The following PIK3C2A variants were observed in gnomAD, a reference collection of about 807,000 sequenced individuals.
PIK3C2A encodes the protein phosphatidylinositol 4-phosphate 3-kinase C2 domain-containing subunit alpha.
Under a neutral mutation model 204.5 loss-of-function variants are expected in PIK3C2A, and 97 were observed. The observed-to-expected ratio is 0.47, with a 90% CI of 0.40 to 0.56. The LOEUF is 0.56. Ranked by LOEUF, PIK3C2A falls within the 20% of genes least tolerant of loss-of-function variation. The pLI is 0.00. For synonymous variants in PIK3C2A, 653 were observed against 664.4 expected (o/e 0.98, Z 0.26); for missense variants, 1,735 against 1,969.2 (o/e 0.88, Z 2.25).
intron 1 of PIK3C2A, among the ~76,000 whole-genome samples, chr11:17,170,638 C>G (rs186766515): frequency 1.6e-4 from 24 of 152,202 alleles, no homozygotes; most frequent in African/African-American, 5.5e-4. Context: ...AAAATTTATA[C>G]TCCTCTATTT....
chr11:17,122,707 G>GCA lies in PIK3C2A; in HGVS notation c.2504_2505dup (p.Leu836CysfsTer30). ...ATGTCAAGAAGTACCATTACCTGTA[G>GCA]CACTATTCTTTCCATGACATATCCT... On this transcript the variant is annotated frameshift_variant, in exon 14 of 33. Transcript: ENST00000691414. LOFTEE classifies it high-confidence loss of function. The GCA allele has an allele frequency of 7.6e-7, 1 of 1,313,978 alleles. No individual in the cohort carries two copies. The highest frequency in any genetic ancestry group is 1.1e-6 in the Non-Finnish European group (1 of 911,556). 81.4% of individuals were successfully genotyped at this position (1,313,978 alleles called of 1,614,324 possible). A position where few individuals can be genotyped will look rare whatever the true frequency, so the allele number is the denominator to read the frequency against.
intron 1 of PIK3C2A, among the ~76,000 whole-genome samples, chr11:17,195,742 C>T (rs11024187): frequency 0.23 from 31,925 of 139,566 alleles, 5,733 homozygotes; most frequent in African/African-American, 0.5. Context: ...GACTCTATTG[C>T]AAAAAAAAAA....
At chr11:17,107,652 T>C (rs1565245332) in intron 22 of PIK3C2A, among the ~76,000 whole-genome samples, 2 of 152,246 alleles carry the variant, frequency 1.3e-5, no homozygotes, top group African/African-American at 4.8e-5. Flanking sequence ...GCAAATATTA[T>C]TTATACAATT....
rs1449237804 is a variant in PIK3C2A, at chr11:17,091,396, T to C, written c.4816A>G (p.Lys1606Glu). The C allele has an allele frequency of 1.4e-5, 22 of 1,613,930 alleles. No homozygotes were observed. Among genetic ancestry groups the C allele is most frequent in the Non-Finnish European group, 1.9e-5 (22 of 1,179,798 alleles). The change falls in exon 32 of 33, where the codon AAA becomes GAA. Residue 1606 changes from lysine to glutamate, a missense_variant. Physicochemically the swap from Lys to Glu is moderately conservative, Grantham distance 56. Transcript: ENST00000691414. ...ATTTTGGTTTTACGTTTGGATGTTTTGTGGTTATCTGGAAGTAGGTATGTT... is the reference window on the plus strand; with the variant it reads ...ATTTTGGTTTTACGTTTGGATGTTTCGTGGTTATCTGGAAGTAGGTATGTT... ...VKTYLLPDNHKTSKRKTKISR... is the reference protein window; with the variant it reads ...VKTYLLPDNHETSKRKTKISR...
intron 25 of PIK3C2A, among the ~76,000 whole-genome samples, chr11:17,100,475 G>C (rs985581017): frequency 5.3e-5 from 8 of 152,036 alleles, no homozygotes; most frequent in Non-Finnish European, 1.2e-4. Context: ...GCCTGCCTTA[G>C]CCTCCCAAAG....
rs769153396 is a variant in PIK3C2A at position 17,119,303 on chromosome 11, G to T, written c.2857C>A (p.Gln953Lys). ...LELLDSKFAD[Q>K]EVRSLAVTWI... The stretch of plus-strand genomic sequence containing the variant: ...GTCACAGCTAGGGATCTTACTTCCT[G>T]ATCAGCAAATCTAGAAGATTACCAT... Residue 953 changes from glutamine to lysine, a missense_variant, in exon 17 of 33, where the codon CAG becomes AAG. By Grantham distance (53) the Gln-to-Lys change is moderately conservative. Around this residue, in one of 6 missense-constraint regions of PIK3C2A, gnomAD observed 567 missense variants for 576.0 expected, o/e 0.98. Coordinates refer to ENST00000691414, the MANE Select transcript of PIK3C2A (RefSeq NM_002645.4). 6.3e-7 allele frequency: 1 copy of T among 1,589,712 alleles called. No individual in the cohort carries two copies. Among genetic ancestry groups the T allele is most frequent in the South Asian group, 1.1e-5 (1 of 89,892 alleles).
rs76108711 is a variant in PIK3C2A at position 17,135,959 on chromosome 11, C to T, written c.1848+523G>A. On this transcript the variant is annotated intron_variant, in intron 9 of 32. Transcript: ENST00000691414. ...CTCTATGAAGCAAGTTAATTAAATCCCCTGGAAATGTCATGACGGACAGCT... is the reference window on the plus strand; with the variant it reads ...CTCTATGAAGCAAGTTAATTAAATCTCCTGGAAATGTCATGACGGACAGCT... Among the ~76,000 whole-genome samples the T allele has an allele frequency of 4.9e-3, 750 of 151,974 alleles. 5 individuals are homozygous for T. Among genetic ancestry groups the T allele is most frequent in the African/African-American group, 0.017 (723 of 41,424 alleles).
intron 25 of PIK3C2A, among the ~76,000 whole-genome samples, 181 bp from the exon 26 acceptor site, chr11:17,100,150 G>T (rs1296061954): frequency 6.7e-6 from 1 of 150,184 alleles, no homozygotes; most frequent in Non-Finnish European, 1.5e-5. Context: ...TGGACACCAA[G>T]GAAGTCAAGC....
intron 4 of PIK3C2A, 36 bp downstream of exon 4, chr11:17,150,462 G>C: frequency 6.5e-7 from 1 of 1,532,782 alleles, no homozygotes; most frequent in Non-Finnish European, 8.7e-7. Flanking sequence ...CCCCCTAACA[G>C]AGCAAAACGA....
intron 27 of PIK3C2A, 109 bp downstream of exon 27, chr11:17,096,948 A>T: frequency 1.5e-6 from 1 of 655,886 alleles, no homozygotes; most frequent in Non-Finnish European, 2.6e-6. Context: ...TGAAAGAAAC[A>T]AGCATGAATA....
intron 1 of PIK3C2A, among the ~76,000 whole-genome samples, chr11:17,182,426 G>A (rs1851596898): frequency 6.6e-6 from 1 of 151,946 alleles, no homozygotes; most frequent in African/African-American, 2.4e-5. Context: ...AATTAGCTAG[G>A]CATGGTGGCG....
chr11:17,131,989 G>C lies in PIK3C2A; in HGVS notation c.2158C>G (p.Leu720Val). 2 of 1,572,206 alleles carry C rather than the reference G, an allele frequency of 1.3e-6. No individual in the cohort carries two copies. The highest frequency in any genetic ancestry group is 1.7e-6 in the Non-Finnish European group (2 of 1,147,170). ...TTCTTTGATTGAATAGGTTTAAAAA[G>C]ATCCTTTCCATTGTGAGACAGTGAA... ...ICSLSHNGKD[L>V]FKPIQSKKVG... The change falls in exon 12 of 33, where the codon CTT becomes GTT. Residue 720 changes from leucine (L) to valine (V), a missense_variant. Physicochemically the swap from Leu to Val is conservative, Grantham distance 32. Around this residue, in one of 6 missense-constraint regions of PIK3C2A, gnomAD observed 567 missense variants for 576.0 expected, o/e 0.98. Transcript: ENST00000691414.
chr11:17,123,997 G>A (rs1849442329), intron 13 of PIK3C2A, among the ~76,000 whole-genome samples: 1 of 151,970 alleles, frequency 6.6e-6, no homozygotes, highest in African/African-American at 2.4e-5. Context: ...ATTTTCTCTT[G>A]ACAAACAGGC....
chr11:17,118,362 C>G (rs1849270529), intron 18 of PIK3C2A, among the ~76,000 whole-genome samples: 2 of 152,184 alleles, frequency 1.3e-5, no homozygotes. Context: ...CATGAGCCAC[C>G]ACGCTTGGCC....
chr11:17,201,941 C>T (rs535362821), intron 1 of PIK3C2A, among the ~76,000 whole-genome samples: 1 of 152,214 alleles, frequency 6.6e-6, no homozygotes, highest in Admixed American at 6.5e-5. Context: ...CACTCAAATG[C>T]CATATGAAGA....
intron 1 of PIK3C2A, among the ~76,000 whole-genome samples, chr11:17,180,500 A>AAAC (rs202239069): frequency 0.02 from 3,080 of 150,258 alleles, 104 homozygotes; most frequent in African/African-American, 0.072. Context: ...CTAGAAAACA[A>AAAC]AACAACAACA....
chr11:17,149,908 T>C (rs982180531), intron 4 of PIK3C2A, among the ~76,000 whole-genome samples: 2 of 152,184 alleles, frequency 1.3e-5, no homozygotes, highest in Non-Finnish European at 2.9e-5. Flanking sequence ...AAAAACAGCA[T>C]AATTCTTAGG....
At chr11:17,111,189 T>C (rs1354988470) in intron 21 of PIK3C2A, among the ~76,000 whole-genome samples, 1 of 152,212 alleles carries the variant, frequency 6.6e-6, no homozygotes, top group Admixed American at 6.5e-5. Context: ...ATTACAGGCA[T>C]GAGCCACCAT....
chr11:17,150,059 G>A (rs1022572468), intron 4 of PIK3C2A, among the ~76,000 whole-genome samples: 2 of 152,052 alleles, frequency 1.3e-5, no homozygotes, highest in Admixed American at 1.3e-4. Flanking sequence ...CAGACTTTGG[G>A]AATACATCTC....
Sources: gnomAD v4.1 joint callset for allele counts (sites outside exome capture counted in the v4.1 genomes callset) on GRCh38, gnomAD v4.1.1 for gene constraint, gnomAD v4.1.1 regional missense constraint, MANE v1.5 for transcripts, NCBI Gene and HGNC (gene_info 2026-07-23, HGNC 2026-07-21) for gene names.